The following CALCRL variants were observed in gnomAD, a reference collection of about 807,000 sequenced individuals.
CALCRL encodes the protein calcitonin gene-related peptide type 1 receptor.
Under a neutral mutation model 60.4 loss-of-function variants are expected in CALCRL, and 27 were observed. The observed-to-expected ratio is 0.45, with a 90% CI of 0.33 to 0.62. The LOEUF (loss-of-function observed/expected upper bound fraction) is 0.62. Among genes scored for constraint, CALCRL ranks in the 20% least tolerant of loss-of-function variants. CALCRL has a pLI of 0.03. For missense variants in CALCRL, 424 were observed against 540.7 expected, an observed-to-expected ratio of 0.78 and a Z score of 2.14; for synonymous variants, 190 against 182.6, an observed-to-expected ratio of 1.04 and a Z score of -0.33.
intron 1 of CALCRL, among the ~76,000 whole-genome samples, chr2:187,434,703 T>C (rs1030504202): frequency 2.0e-5 from 3 of 152,188 alleles, no homozygotes; most frequent in Non-Finnish European, 4.4e-5. Context: ...GCAATCCAGA[T>C]GTTCCTCAGC....
At chr2:187,400,920 G>A (rs1349088652) in intron 1 of CALCRL, among the ~76,000 whole-genome samples, 1 of 151,480 alleles carries the variant, frequency 6.6e-6, no homozygotes, top group East Asian at 1.9e-4. Flanking sequence ...TGGGTACAGG[G>A]ATTTTATTCA....
At chr2:187,410,521 G>C (rs778422671) in intron 1 of CALCRL, among the ~76,000 whole-genome samples, 5 of 152,202 alleles carry the variant, frequency 3.3e-5, no homozygotes, top group Non-Finnish European at 5.9e-5. Flanking sequence ...ACTGGCTGTT[G>C]AGAGAGAAGG....
chr2:187,414,692 A>G (rs112560004), intron 1 of CALCRL, among the ~76,000 whole-genome samples: 9 of 152,198 alleles, frequency 5.9e-5, no homozygotes, highest in African/African-American at 2.2e-4. Flanking sequence ...GTTGAAGAAA[A>G]ACTTATGGAA....
In CALCRL at chr2:187,359,145, T is replaced by C. The variant is rs776819565; in HGVS notation, c.843-16A>G. 4 of 1,608,680 alleles carry C rather than the reference T, an allele frequency of 2.5e-6. No individual in the cohort carries two copies. The highest frequency in any genetic ancestry group is 3.4e-6 in the Non-Finnish European group (4 of 1,176,106). ...GATCCAGCAACTAGAGAAAACATAA[T>C]AACATTATGTTGAAAATTTTTATTT... On this transcript the variant is annotated splice_polypyrimidine_tract_variant and intron_variant, in intron 11 of 14. Coordinates refer to ENST00000392370, the MANE Select transcript of CALCRL (RefSeq NM_005795.6).
intron 1 of CALCRL, among the ~76,000 whole-genome samples, chr2:187,390,710 C>A (rs1553510170): frequency 1.3e-5 from 2 of 152,086 alleles, no homozygotes; most frequent in Non-Finnish European, 2.9e-5. Flanking sequence ...TTACCCTATT[C>A]CCTAATGATC....
At chr2:187,416,309 CTG>C (rs1442089747) in intron 1 of CALCRL, among the ~76,000 whole-genome samples, 1 of 152,128 alleles carries the variant, frequency 6.6e-6, no homozygotes, top group Non-Finnish European at 1.5e-5. Flanking sequence ...CTTATAATTT[CTG>C]TGTGTAAATA....
chr2:187,346,449 A>G, intron 14 of CALCRL, 50 bp from the exon 15 acceptor site: 1 of 1,316,508 alleles, frequency 7.6e-7, no homozygotes, highest in Non-Finnish European at 1.1e-6. Context: ...CATTAATTGA[A>G]ATGAAGACAC....
chr2:187,426,631 A>C (rs1690146631), intron 1 of CALCRL, among the ~76,000 whole-genome samples: 1 of 151,980 alleles, frequency 6.6e-6, no homozygotes, highest in Non-Finnish European at 1.5e-5. Context: ...TGATTCACTG[A>C]TATATATTAG....
chr2:187,347,180 A>C (rs1395997869), intron 14 of CALCRL, among the ~76,000 whole-genome samples: 1 of 151,798 alleles, frequency 6.6e-6, no homozygotes, highest in African/African-American at 2.4e-5. Flanking sequence ...AATGTAAGGC[A>C]CAAGAGTGAA....
intron 9 of CALCRL, among the ~76,000 whole-genome samples, 153 bp downstream of exon 9, chr2:187,363,223 C>T (rs1218585695): frequency 6.6e-6 from 1 of 152,002 alleles, no homozygotes; most frequent in Non-Finnish European, 1.5e-5. Flanking sequence ...TCTCAATATT[C>T]CCCAAGATAT....
intron 1 of CALCRL, among the ~76,000 whole-genome samples, chr2:187,433,004 T>C (rs950131755): frequency 1.4e-4 from 21 of 152,110 alleles, no homozygotes; most frequent in African/African-American, 4.8e-4. Context: ...AAGTACCCTC[T>C]GTAATGTTCG....
At chr2:187,419,839 C>T (rs1390142474) in intron 1 of CALCRL, among the ~76,000 whole-genome samples, 2 of 152,116 alleles carry the variant, frequency 1.3e-5, no homozygotes, top group Non-Finnish European at 2.9e-5. Flanking sequence ...TCTAAACATT[C>T]TGTGATAGCA....
At chr2:187,404,033 T>C (rs908348604) in intron 1 of CALCRL, among the ~76,000 whole-genome samples, 1 of 151,872 alleles carries the variant, frequency 6.6e-6, no homozygotes, top group Non-Finnish European at 1.5e-5. Flanking sequence ...ATCAACTCAA[T>C]TGTATGTTTT....
At chr2:187,346,439 C>G (rs1445478588) in intron 14 of CALCRL, 40 bp from the exon 15 acceptor site, 7 of 1,435,700 alleles carry the variant, frequency 4.9e-6, no homozygotes, top group Non-Finnish European at 5.8e-6. Flanking sequence ...AAGAACAACC[C>G]ATTAATTGAA....
intron 1 of CALCRL, among the ~76,000 whole-genome samples, chr2:187,422,216 G>A (rs995964607): frequency 6.6e-5 from 10 of 152,122 alleles, no homozygotes; most frequent in Non-Finnish European, 1.5e-5. Context: ...ATTTATATCT[G>A]TGTTCAGGCA....
chr2:187,383,143 A>C, intron 5 of CALCRL, 30 bp downstream of exon 5: 1 of 1,599,434 alleles, frequency 6.3e-7, no homozygotes, highest in Non-Finnish European at 8.5e-7. Context: ...AATATGTCAA[A>C]TGCATTTACA....
chr2:187,410,419 G>GAA (rs144395937), intron 1 of CALCRL, among the ~76,000 whole-genome samples: 1 of 147,322 alleles, frequency 6.8e-6, no homozygotes, highest in African/African-American at 2.5e-5. Flanking sequence ...GAGAAAGAAA[G>GAA]AAAAAAAAAA....
At chr2:187,408,540 T>C (rs1188850395) in intron 1 of CALCRL, among the ~76,000 whole-genome samples, 3 of 152,090 alleles carry the variant, frequency 2.0e-5, no homozygotes, top group Non-Finnish European at 4.4e-5. Flanking sequence ...AAATGCCTAT[T>C]GCAGAAATAA....
At chr2:187,439,781 C>A (rs1041164405) in intron 1 of CALCRL, among the ~76,000 whole-genome samples, 3 of 152,092 alleles carry the variant, frequency 2.0e-5, no homozygotes, top group African/African-American at 4.8e-5. Flanking sequence ...ATTCTTAATT[C>A]TCCTTTAGAA....
Sources: allele counts gnomAD v4.1 joint callset (sites outside exome capture counted in the v4.1 genomes callset), GRCh38; gene constraint gnomAD v4.1.1; transcripts MANE v1.5; gene names NCBI Gene and HGNC (gene_info 2026-07-23, HGNC 2026-07-21).